Variants in ADGRL2 observed in about 807,000 individuals in gnomAD.
ADGRL2 encodes adhesion G protein-coupled receptor L2, also known as calcium-independent alpha-latrotoxin receptor 2.
ADGRL2 carries 44 observed loss-of-function variants against 157.4 expected under a neutral mutation model. The ratio of observed to expected loss-of-function variants is 0.28; its 90% CI spans 0.22 to 0.36. The LOEUF (loss-of-function observed/expected upper bound fraction) is 0.36. Ranked by LOEUF, ADGRL2 falls within the 10% of genes least tolerant of loss-of-function variation. The pLI is 1.00. For missense variants in ADGRL2, 1,510 were observed against 1,768.9 expected (o/e 0.85, Z 2.63); for synonymous variants, 585 against 624.7 (o/e 0.94, Z 0.95).
chr1:81,651,142 C>T (rs1291974618), intron 3 of ADGRL2, among the ~76,000 whole-genome samples: 1 of 151,914 alleles, frequency 6.6e-6, no homozygotes, highest in Non-Finnish European at 1.5e-5. Context: ...TTTTTTAGCT[C>T]AATAAAGCAG....
chr1:81,657,232 G>A (rs2082554804), intron 3 of ADGRL2, among the ~76,000 whole-genome samples: 1 of 152,058 alleles, frequency 6.6e-6, no homozygotes. Flanking sequence ...AGTCATAAAA[G>A]GGGAGACCTC....
At chr1:81,426,877 T>G in intron 1 of ADGRL2, 1 of 635,028 alleles carries the variant, frequency 1.6e-6, no homozygotes, top group Non-Finnish European at 2.9e-6. Flanking sequence ...AGAATATAAT[T>G]TGAGACTACT....
intron 3 of ADGRL2, among the ~76,000 whole-genome samples, chr1:81,623,939 T>C (rs1420438501): frequency 6.6e-6 from 1 of 151,980 alleles, no homozygotes; most frequent in Non-Finnish European, 1.5e-5. Context: ...CCAGCTGATA[T>C]CTTTCTAAGG....
In ADGRL2 at chr1:81,430,747, C is replaced by CT. The variant is rs763236865; in HGVS notation, c.-301-14282dup. 1.1e-3 allele frequency among the ~76,000 whole-genome samples: 166 copies of CT among 152,168 alleles called. 2 individuals carry two copies. Among genetic ancestry groups the CT allele is most frequent in the African/African-American group, 1.6e-3 (65 of 41,522 alleles). On this transcript the variant is annotated intron_variant, in intron 1 of 24. Coordinates refer to the ADGRL2 transcript ENST00000370721. ...GTTGGCAGCAGTATGCTGTTCTCTC[C>CT]TTTTTTTCCCAAACTGATTCATGAA...
intron 2 of ADGRL2, among the ~76,000 whole-genome samples, chr1:81,542,939 C>A (rs1301318841): frequency 6.6e-6 from 1 of 151,836 alleles, no homozygotes; most frequent in Non-Finnish European, 1.5e-5. Context: ...CAGATGTCTG[C>A]CAACAACAGT....
At chr1:81,435,972 G>C (rs2077402208) in intron 1 of ADGRL2, among the ~76,000 whole-genome samples, 1 of 152,116 alleles carries the variant, frequency 6.6e-6, no homozygotes, top group African/African-American at 2.4e-5. Flanking sequence ...GGTGGATGCT[G>C]TAATCCCAGC....
At position 81,920,237 on chromosome 1, in the gene ADGRL2, C is replaced by T. The variant is rs190332480; in HGVS notation, c.287+13007C>T. ...GCTCTATAGGAAACCCATTGAATATCGCTTAGTAAACAGGATTGACATGTC... is the reference window on the plus strand; with the variant it reads ...GCTCTATAGGAAACCCATTGAATATTGCTTAGTAAACAGGATTGACATGTC... On this transcript the variant is annotated intron_variant, in intron 3 of 23. Transcript: ENST00000686636. Among the ~76,000 whole-genome samples, 5 of 152,168 alleles carry T rather than the reference C, an allele frequency of 3.3e-5. No homozygotes were observed. The East Asian group carries it at 9.7e-4, about 29-fold the overall frequency.
chr1:81,911,573 G>A (rs984526113), intron 3 of ADGRL2, among the ~76,000 whole-genome samples: 5 of 152,210 alleles, frequency 3.3e-5, no homozygotes, highest in African/African-American at 1.2e-4. Context: ...TGTTATCAAG[G>A]TAGTTTTGCT....
At chr1:81,877,723 C>T (rs919375971) in intron 2 of ADGRL2, among the ~76,000 whole-genome samples, 14 of 151,582 alleles carry the variant, frequency 9.2e-5, no homozygotes, top group African/African-American at 3.4e-4. Context: ...AAAAGCCTAA[C>T]TTGCCTTTTT....
At position 81,842,451 on chromosome 1, in the gene ADGRL2, G is replaced by A. The variant is rs138836557; in HGVS notation, c.73+5394G>A. Among the ~76,000 whole-genome samples the A allele has an allele frequency of 4.3e-3, 579 of 136,056 alleles. 4 individuals are homozygous for A. Among genetic ancestry groups the A allele is most frequent in the African/African-American group, 0.014 (515 of 37,362 alleles). 89.3% of individuals were successfully genotyped at this position (136,056 alleles called of 152,430 possible). On this transcript the variant is annotated intron_variant, in intron 2 of 23. Transcript: ENST00000686636. The stretch of plus-strand genomic sequence containing the variant: ...CCGCTCACTGAAACCTCCACCTCCC[G>A]GGTTCAAGGGATTCTCCTGCCTCAG...
intron 3 of ADGRL2, among the ~76,000 whole-genome samples, chr1:81,907,770 G>C (rs1216340367): frequency 6.6e-6 from 1 of 152,086 alleles, no homozygotes; most frequent in Non-Finnish European, 1.5e-5. Flanking sequence ...AACAGTCCAT[G>C]AACCCACATT....
intron 21 of ADGRL2, among the ~76,000 whole-genome samples, chr1:81,986,172 C>T (rs1333528712): frequency 2.0e-5 from 3 of 151,986 alleles, no homozygotes; most frequent in Non-Finnish European, 4.4e-5. Context: ...TGTAATTTGT[C>T]AGTTAGAATG....
chr1:81,696,680 A>T (rs2083452090), upstream of ADGRL2, among the ~76,000 whole-genome samples: 1 of 152,156 alleles, frequency 6.6e-6, no homozygotes, highest in Non-Finnish European at 1.5e-5. Context: ...TGAACCCGGG[A>T]GGCGGAGCTT....
intron 1 of ADGRL2, among the ~76,000 whole-genome samples, chr1:81,369,713 A>T (rs918596637): frequency 3.9e-5 from 6 of 152,206 alleles, no homozygotes; most frequent in African/African-American, 1.4e-4. Flanking sequence ...TGAAAAAAAA[A>T]ATCCCTTTGG....
At chr1:81,752,389 G>A (rs1198439541) in intron 1 of ADGRL2, among the ~76,000 whole-genome samples, 2 of 152,152 alleles carry the variant, frequency 1.3e-5, no homozygotes, top group Non-Finnish European at 2.9e-5. Context: ...GGTGTAGAAA[G>A]CAGAGGGCTC....
chr1:81,638,694 T>C (rs2082159350), intron 3 of ADGRL2, among the ~76,000 whole-genome samples: 1 of 152,082 alleles, frequency 6.6e-6, no homozygotes, highest in South Asian at 2.1e-4. Context: ...ACTGATATGC[T>C]GATAAAGGAG....
chr1:81,868,591 G>C (rs916599649), intron 2 of ADGRL2, among the ~76,000 whole-genome samples: 1 of 151,946 alleles, frequency 6.6e-6, no homozygotes, highest in Non-Finnish European at 1.5e-5. Flanking sequence ...CTTTGCCTAG[G>C]ATCGTTGTCT....
intron 2 of ADGRL2, among the ~76,000 whole-genome samples, chr1:81,902,492 G>T (rs2094505507): frequency 1.3e-5 from 2 of 152,060 alleles, no homozygotes; most frequent in Admixed American, 6.6e-5. Context: ...CATCTACTGG[G>T]GAGGCTGAAG....
At chr1:81,459,053 A>T (rs1185909179) in intron 2 of ADGRL2, among the ~76,000 whole-genome samples, 1 of 152,224 alleles carries the variant, frequency 6.6e-6, no homozygotes, top group East Asian at 1.9e-4. Context: ...ACCCAAAAGC[A>T]GATAGCCATC....
Sources: allele counts gnomAD v4.1 joint callset (sites outside exome capture counted in the v4.1 genomes callset), GRCh38; gene constraint gnomAD v4.1.1; transcripts MANE v1.5; gene names NCBI Gene and HGNC (gene_info 2026-07-23, HGNC 2026-07-21).